Variants in FRMPD1 observed in about 807,000 individuals in gnomAD.
FRMPD1 encodes the protein FERM and PDZ domain containing 1.
FRMPD1 carries 76 observed loss-of-function variants against 117.8 expected under a neutral mutation model. That is an observed-to-expected ratio of 0.65 (90% CI 0.54 to 0.78). FRMPD1 has a LOEUF of 0.78. Ranked by LOEUF, FRMPD1 falls within the 30% of genes least tolerant of loss-of-function variation. The probability of loss-of-function intolerance (pLI) is 0.00; values close to 1 mark genes in which losing one functional copy is unlikely to be tolerated. For missense variants in FRMPD1, 1,786 were observed against 1,964.5 expected, an observed-to-expected ratio of 0.91 and a Z score of 1.72; for synonymous variants, 783 against 770.4, an observed-to-expected ratio of 1.02 and a Z score of -0.27.
intron 2 of FRMPD1, among the ~76,000 whole-genome samples, chr9:37,694,697 ACTGT>A (rs1563935233): frequency 1.3e-5 from 2 of 152,044 alleles, no homozygotes; most frequent in Non-Finnish European, 2.9e-5. Context: ...CCACCATGCT[ACTGT>A]CTATCTCTGT....
chr9:37,719,717 G>GAAAATGC (rs1440009200), intron 6 of FRMPD1, among the ~76,000 whole-genome samples: 1 of 152,172 alleles, frequency 6.6e-6, no homozygotes, highest in Non-Finnish European at 1.5e-5. Flanking sequence ...CACATGGTGA[G>GAAAATGC]AAAATGCAGG....
chr9:37,746,862 GT>G lies in FRMPD1; in HGVS notation c.*96del. ...ACTCTCCCACCCACCCTCTTCAAAT[GT>G]TTACTATATAGAGTATTCAAATAAA... On this transcript the variant is annotated 3_prime_UTR_variant, in exon 16 of 16. Coordinates refer to ENST00000377765, the MANE Select transcript of FRMPD1 (RefSeq NM_014907.3). 1 of 804,914 alleles carries G rather than the reference GT, an allele frequency of 1.2e-6. No homozygotes were observed. Among genetic ancestry groups the G allele is most frequent in the Non-Finnish European group, 2.0e-6 (1 of 490,188 alleles). The allele number at this position is 804,914 out of a possible 1,614,324, so 49.9% of individuals were successfully genotyped here. A position where few individuals can be genotyped will look rare whatever the true frequency, so the allele number is the denominator to read the frequency against.
the FRMPD1 span, among the ~76,000 whole-genome samples, chr9:37,608,914 G>A: frequency 6.6e-6 from 1 of 152,170 alleles, no homozygotes; most frequent in Non-Finnish European, 1.5e-5. Flanking sequence ...TTTTACAGAT[G>A]AATATTATTA....
intron 5 of FRMPD1, among the ~76,000 whole-genome samples, chr9:37,717,380 T>TATATA (rs1554666751): frequency 7.8e-5 from 9 of 115,608 alleles, no homozygotes; most frequent in Non-Finnish European, 1.7e-4. Flanking sequence ...TATATATATA[T>TATATA]ATTTTTTTTT....
the FRMPD1 span, among the ~76,000 whole-genome samples, chr9:37,614,947 G>C: frequency 6.6e-6 from 1 of 152,048 alleles, no homozygotes; most frequent in African/African-American, 2.4e-5. Flanking sequence ...TAAAACAAGG[G>C]GAAGAAATTA....
At chr9:37,725,545 G>T (rs776344283) in intron 7 of FRMPD1, among the ~76,000 whole-genome samples, 10 of 152,238 alleles carry the variant, frequency 6.6e-5, no homozygotes, top group Non-Finnish European at 8.8e-5. Context: ...TCCTACAGCT[G>T]CTCCAAATGC....
intron 8 of FRMPD1, 138 bp downstream of exon 8, chr9:37,729,991 ACT>A: frequency 1.2e-6 from 1 of 845,954 alleles, no homozygotes; most frequent in Non-Finnish European, 1.8e-6. Flanking sequence ...CACAGAGCTC[ACT>A]CAGCCTGGGG....
At position 37,746,326 on chromosome 9, in the gene FRMPD1, C is replaced by T. The variant is rs769135869; in HGVS notation, c.4294C>T (p.Leu1432=). The T allele has an allele frequency of 1.9e-6, 3 of 1,612,724 alleles. No individual in the cohort carries two copies. The South Asian group carries it at 3.3e-5, about 18-fold the overall frequency. Residue 1432 remains leucine (L), a synonymous_variant, in exon 16 of 16, where the codon CTA becomes TTA. Transcript: ENST00000377765. ...FIQLMESLLE[L]QDILETSWGV... Reference sequence around the variant, plus strand: ...CCAACTCATGGAGAGCTTGCTGGAGCTACAAGACATTTTAGAAACTTCCTG... The same window carrying T: ...CCAACTCATGGAGAGCTTGCTGGAGTTACAAGACATTTTAGAAACTTCCTG...
the FRMPD1 span, among the ~76,000 whole-genome samples, chr9:37,641,125 T>C: frequency 6.6e-6 from 1 of 152,178 alleles, no homozygotes; most frequent in Non-Finnish European, 1.5e-5. Context: ...TGAGCTCAAG[T>C]GATCTGCCCA....
Position 37,745,533 on chromosome 9 carries a change from A to G in FRMPD1, c.3501A>G (p.Val1167=), listed in dbSNP as rs1824660793. The change falls in exon 16 of 16, where the codon GTA becomes GTG. Residue 1167 remains valine (V), a synonymous_variant. Coordinates refer to ENST00000377765, the MANE Select transcript of FRMPD1 (RefSeq NM_014907.3). ...IVTSLSLDAP[V]TGTEQIPPHP... Reference sequence around the variant, plus strand: ...CCTCCCTTTCTTTAGATGCTCCTGTAACAGGGACCGAGCAGATCCCACCAC... The same window carrying G: ...CCTCCCTTTCTTTAGATGCTCCTGTGACAGGGACCGAGCAGATCCCACCAC... 1.2e-6 allele frequency: 2 copies of G among 1,614,140 alleles called. No individual in the cohort carries two copies. Among genetic ancestry groups the G allele is most frequent in the Non-Finnish European group, 1.7e-6 (2 of 1,180,002 alleles).
At chr9:37,646,709 G>C (rs1255149617), upstream of FRMPD1, among the ~76,000 whole-genome samples, 4 of 152,124 alleles carry the variant, frequency 2.6e-5, no homozygotes, top group East Asian at 7.7e-4. Flanking sequence ...ACAGAAACTT[G>C]TCCTAAATCA....
chr9:37,617,341 C>T, the FRMPD1 span, among the ~76,000 whole-genome samples: 1,129 of 152,312 alleles, frequency 7.4e-3, 14 homozygotes, highest in African/African-American at 0.026. Context: ...CCTCAGAGAG[C>T]GTTGCATTCA....
the FRMPD1 span, among the ~76,000 whole-genome samples, chr9:37,608,725 C>A: frequency 6.6e-6 from 1 of 152,160 alleles, no homozygotes; most frequent in Non-Finnish European, 1.5e-5. Context: ...ATATTCATAA[C>A]TTCATAGTAA....
At chr9:37,654,259 G>A (rs950189927) in intron 1 of FRMPD1, among the ~76,000 whole-genome samples, 1 of 152,222 alleles carries the variant, frequency 6.6e-6, no homozygotes, top group East Asian at 1.9e-4. Flanking sequence ...GGGGAAATGT[G>A]GGAGAAAGTA....
the FRMPD1 span, among the ~76,000 whole-genome samples, chr9:37,624,477 C>G: frequency 6.6e-6 from 1 of 152,210 alleles, no homozygotes; most frequent in African/African-American, 2.4e-5. Context: ...CTTGGAGCTT[C>G]TTAAATCCTA....
chr9:37,637,329 G>C, the FRMPD1 span: 1 of 1,032,010 alleles, frequency 9.7e-7, no homozygotes, highest in Non-Finnish European at 1.5e-6. Flanking sequence ...GCTCCCAGTC[G>C]GCTCTGCTCC....
chr9:37,744,134 G>A (rs1824562081), intron 15 of FRMPD1, among the ~76,000 whole-genome samples: 1 of 151,682 alleles, frequency 6.6e-6, no homozygotes, highest in Admixed American at 6.6e-5. Flanking sequence ...AGGTTGCAGT[G>A]AGCCGAGATC....
chr9:37,740,989 CAG>C lies in FRMPD1; in HGVS notation c.2356+106_2356+107del, dbSNP rs776801904. On this transcript the variant is annotated intron_variant, in intron 15 of 15. Coordinates refer to ENST00000377765, the MANE Select transcript of FRMPD1 (RefSeq NM_014907.3). The surrounding 1 kb of genome is among the most constrained non-coding windows in gnomAD (Gnocchi z 4.2). ...TTGAGAGGAAGGCACATGAGTGAAA[CAG>C]GGTCCCTGTACACTTCTGAGGAGGT... 13 of 852,626 alleles carry C rather than the reference CAG, an allele frequency of 1.5e-5. No individual in the cohort carries two copies. The highest frequency in any genetic ancestry group is 2.3e-4 in the Middle Eastern group (1 of 4,348). 52.8% of individuals were successfully genotyped at this position (852,626 alleles called of 1,614,324 possible).
the FRMPD1 span, among the ~76,000 whole-genome samples, chr9:37,633,289 C>T: frequency 6.6e-6 from 1 of 152,290 alleles, no homozygotes; most frequent in Admixed American, 6.5e-5. Context: ...GATTCGCCCT[C>T]CTCAGCCTTC....
Sources: allele counts gnomAD v4.1 joint callset (sites outside exome capture counted in the v4.1 genomes callset), GRCh38; gene constraint gnomAD v4.1.1; non-coding constraint Gnocchi (gnomAD v3.1); transcripts MANE v1.5; gene names NCBI Gene and HGNC (gene_info 2026-07-23, HGNC 2026-07-21).